Variants in OR9Q1 observed in about 807,000 individuals in gnomAD.
OR9Q1 encodes olfactory receptor 9Q1.
For synonymous variants in OR9Q1, 153 were observed against 148.6 expected (o/e 1.03, Z -0.22); for missense variants, 374 against 378.8 (o/e 0.99, Z 0.11).
intron 2 of OR9Q1, among the ~76,000 whole-genome samples, chr11:58,123,939 T>C (rs1000784080): frequency 1.3e-5 from 2 of 152,226 alleles, no homozygotes; most frequent in Non-Finnish European, 1.5e-5. Context: ...TCCCTCTTGA[T>C]ATACCCTTGG....
Position 58,180,027 on chromosome 11 carries a change from C to T in OR9Q1, c.583C>T (p.Gln195Ter), listed in dbSNP as rs748002360. The change falls in exon 3 of 3, where the codon CAA (glutamine) becomes TAA (stop). Residue 195 changes from glutamine to a stop codon, truncating the protein, a stop_gained. Transcript: ENST00000335397. LOFTEE classifies it high-confidence loss of function. ...LKLTCGESYT[Q>*]EVLIIMFAIF... ...GTTGACCTGTGGGGAGAGCTACACT[C>T]AAGAAGTGCTGATTATTATGTTTGC... 1.5e-5 allele frequency: 24 copies of T among 1,614,020 alleles called. No homozygotes were observed. The highest frequency in any genetic ancestry group is 1.9e-5 in the Non-Finnish European group (22 of 1,179,990).
chr11:58,067,798 C>T lies in OR9Q1; in HGVS notation c.-15+11851C>T, dbSNP rs569272011. Among the ~76,000 whole-genome samples the T allele has an allele frequency of 2.3e-4, 35 of 152,316 alleles. No homozygotes were observed. The East Asian group carries it at 5.8e-3, about 25-fold the overall frequency. On this transcript the variant is annotated intron_variant, in intron 2 of 2. Coordinates refer to ENST00000335397, the MANE Select transcript of OR9Q1 (RefSeq NM_001005212.4). ...CAGGTCACACAGGCAGTAAAAAGGACTCGAGTCTCCTGGATCCTGCCCCAG... is the reference window on the plus strand; with the variant it reads ...CAGGTCACACAGGCAGTAAAAAGGATTCGAGTCTCCTGGATCCTGCCCCAG...
At chr11:58,087,285 T>C (rs768485725) in intron 2 of OR9Q1, among the ~76,000 whole-genome samples, 5 of 151,720 alleles carry the variant, frequency 3.3e-5, no homozygotes, top group Non-Finnish European at 5.9e-5. Flanking sequence ...CTGAAACCTC[T>C]CTTGTGCACC....
chr11:58,068,141 C>T (rs1853447549), intron 2 of OR9Q1, among the ~76,000 whole-genome samples: 1 of 150,424 alleles, frequency 6.6e-6, no homozygotes, highest in Non-Finnish European at 1.5e-5. Context: ...GAGTTCAAGA[C>T]CAGCCTGATC....
intron 2 of OR9Q1, chr11:58,117,741 A>G (rs1853971601): frequency 6.6e-6 from 1 of 152,206 alleles, no homozygotes. Flanking sequence ...AGGAGAAGCA[A>G]TGTACCATGG....
chr11:58,152,141 TG>T (rs1304651002), intron 2 of OR9Q1, among the ~76,000 whole-genome samples: 5 of 152,266 alleles, frequency 3.3e-5, no homozygotes, highest in Non-Finnish European at 7.4e-5. Context: ...AGGATTGGTA[TG>T]AGGACCCGGG....
At position 58,141,986 on chromosome 11, in the gene OR9Q1, G is replaced by T. The variant is rs181732733; in HGVS notation, c.-14-37445G>T. On this transcript the variant is annotated intron_variant, in intron 2 of 2. Coordinates refer to ENST00000335397, the MANE Select transcript of OR9Q1 (RefSeq NM_001005212.4). ...ATATGTTTTGTAATCAGAGAAGGGT[G>T]GTCCATTGCTGGCAATTTATGTCTT... Among the ~76,000 whole-genome samples, 344 of 152,270 alleles carry T rather than the reference G, an allele frequency of 2.3e-3. 1 individual carries two copies. The highest frequency in any genetic ancestry group is 3.0e-3 in the Non-Finnish European group (206 of 68,014).
At chr11:58,045,185 A>T (rs1298638230) in intron 1 of OR9Q1, 2 of 152,192 alleles carry the variant, frequency 1.3e-5, no homozygotes. Flanking sequence ...TCTGGTCCCA[A>T]GCAATTCGGA....
intron 2 of OR9Q1, among the ~76,000 whole-genome samples, chr11:58,154,098 GGGAGGAGGAAGGAGGAGGGGGAAGGAGGA>G (rs1425605558): frequency 6.6e-5 from 10 of 151,520 alleles, no homozygotes; most frequent in African/African-American, 2.4e-4. Flanking sequence ...GAAGAAGAAG[GGGAGGAGGAAGGAGGAGGGGGAAGGAGGA>G]GGAGGAGGAA....
intron 2 of OR9Q1, among the ~76,000 whole-genome samples, chr11:58,099,637 G>T (rs1423507972): frequency 6.6e-6 from 1 of 152,058 alleles, no homozygotes; most frequent in African/African-American, 2.4e-5. Flanking sequence ...TAGCATATAG[G>T]TGGATCTTAT....
rs116028673 is a variant in OR9Q1 at position 58,161,557 on chromosome 11, T to A, written c.-14-17874T>A. Among the ~76,000 whole-genome samples, 781 of 151,966 alleles carry A rather than the reference T, an allele frequency of 5.1e-3. 7 individuals are homozygous for A. The highest frequency in any genetic ancestry group is 0.018 in the African/African-American group (754 of 41,482). ...TTGCTCAGGCTTATTCTGTTTTTTT[T>A]TTTTTAGACAGAGCCTTACTCTGTC... On this transcript the variant is annotated intron_variant, in intron 2 of 2. Transcript: ENST00000335397.
chr11:58,109,044 C>T (rs1369552412), intron 2 of OR9Q1: 2 of 462,038 alleles, frequency 4.3e-6, no homozygotes, highest in East Asian at 1.4e-4. Flanking sequence ...TGGCTAGGAA[C>T]ATGCATTTTG....
At chr11:58,135,735 C>T (rs947089838) in intron 2 of OR9Q1, among the ~76,000 whole-genome samples, 1 of 152,180 alleles carries the variant, frequency 6.6e-6, no homozygotes, top group Non-Finnish European at 1.5e-5. Flanking sequence ...TTATGACTCC[C>T]CATTTTTAAA....
At chr11:58,060,318 T>C (rs1298312451) in intron 2 of OR9Q1, among the ~76,000 whole-genome samples, 1 of 152,142 alleles carries the variant, frequency 6.6e-6, no homozygotes, top group African/African-American at 2.4e-5. Flanking sequence ...CTATAATAGA[T>C]GGGAAATTTT....
chr11:58,027,251 A>G (rs1311388623), intron 1 of OR9Q1, among the ~76,000 whole-genome samples: 1 of 152,152 alleles, frequency 6.6e-6, no homozygotes, highest in African/African-American at 2.4e-5. Flanking sequence ...TAATTTGAGG[A>G]CAGTTTGGCT....
At chr11:58,168,204 A>ATT (rs1161214358) in intron 2 of OR9Q1, among the ~76,000 whole-genome samples, 1 of 152,226 alleles carries the variant, frequency 6.6e-6, no homozygotes. Context: ...CAGTAAAGAT[A>ATT]TTCTTGAAAT....
At chr11:58,103,219 T>C (rs1300914717) in intron 2 of OR9Q1, among the ~76,000 whole-genome samples, 1 of 152,018 alleles carries the variant, frequency 6.6e-6, no homozygotes, top group Non-Finnish European at 1.5e-5. Context: ...CAAGGAGAAG[T>C]GCAGAGTGAA....
intron 2 of OR9Q1, among the ~76,000 whole-genome samples, chr11:58,176,848 C>T (rs1038587372): frequency 4.6e-5 from 7 of 152,068 alleles, no homozygotes; most frequent in African/African-American, 1.7e-4. Context: ...CTTCCTGATG[C>T]TCAGCAGAAT....
intron 2 of OR9Q1, among the ~76,000 whole-genome samples, chr11:58,123,253 C>G (rs190139513): frequency 6.5e-4 from 99 of 152,318 alleles, no homozygotes; most frequent in Middle Eastern, 3.4e-3. Flanking sequence ...TTTCCTATAT[C>G]TTTATAATCT....
Sources: allele counts gnomAD v4.1 joint callset (sites outside exome capture counted in the v4.1 genomes callset), GRCh38; gene constraint gnomAD v4.1.1; transcripts MANE v1.5; gene names NCBI Gene and HGNC (gene_info 2026-07-23, HGNC 2026-07-21).